BTBD9: variants seen among roughly 807,000 people sequenced by gnomAD.
BTBD9 encodes BTB/POZ domain-containing protein 9.
In BTBD9, 49 loss-of-function variants were observed where a neutral mutation model predicts 64.3. That is an observed-to-expected ratio of 0.76 (90% CI 0.61 to 0.97). The LOEUF is 0.97. Ranked by LOEUF, BTBD9 falls within the 50% of genes least tolerant of loss-of-function variation. The pLI, the probability that BTBD9 is intolerant of heterozygous loss-of-function variation, is 0.00. For missense variants in BTBD9, 598 were observed against 762.1 expected, an observed-to-expected ratio of 0.78 and a Z score of 2.53; for synonymous variants, 260 against 274.7, an observed-to-expected ratio of 0.95 and a Z score of 0.53.
chr6:38,612,970 G>A (rs775459820), intron 1 of BTBD9: 3 of 152,194 alleles, frequency 2.0e-5, no homozygotes, highest in Non-Finnish European at 4.4e-5. Context: ...TGGCCACAGT[G>A]ATGGCCACTT....
chr6:38,298,855 CT>C (rs113386216), intron 7 of BTBD9, among the ~76,000 whole-genome samples: 30,613 of 145,722 alleles, frequency 0.21, 3,224 homozygotes, highest in Admixed American at 0.29. Context: ...GTATTTCATT[CT>C]TTTTTTTTTT....
chr6:38,620,874 A>T (rs1297864405), intron 1 of BTBD9, among the ~76,000 whole-genome samples: 4 of 152,302 alleles, frequency 2.6e-5, no homozygotes, highest in South Asian at 4.1e-4. Context: ...GCAAATAGTC[A>T]TCTAGTAGAA....
chr6:38,597,024 G>A (rs1020096848), intron 2 of BTBD9, among the ~76,000 whole-genome samples: 2 of 152,078 alleles, frequency 1.3e-5, no homozygotes, highest in African/African-American at 4.8e-5. Flanking sequence ...CTAAGCTCCC[G>A]GTTTCATCTA....
At chr6:38,441,980 C>T (rs561173276) in intron 6 of BTBD9, among the ~76,000 whole-genome samples, 1 of 152,132 alleles carries the variant, frequency 6.6e-6, no homozygotes, top group African/African-American at 2.4e-5. Flanking sequence ...ATGCATGAAG[C>T]CTTCCTCCCA....
At chr6:38,291,895 C>T (rs569540711) in intron 7 of BTBD9, among the ~76,000 whole-genome samples, 2 of 151,756 alleles carry the variant, frequency 1.3e-5, no homozygotes, top group South Asian at 2.1e-4. Flanking sequence ...TTCAGTTTGC[C>T]AGTATTTTAT....
At chr6:38,615,902 T>A (rs1777770524) in intron 1 of BTBD9, among the ~76,000 whole-genome samples, 1 of 152,188 alleles carries the variant, frequency 6.6e-6, no homozygotes, top group Non-Finnish European at 1.5e-5. Context: ...ATGTTGGCTG[T>A]GGTAGGCAGA....
chr6:38,503,488 G>A (rs1772309977), intron 6 of BTBD9, among the ~76,000 whole-genome samples: 1 of 152,016 alleles, frequency 6.6e-6, no homozygotes, highest in South Asian at 2.1e-4. Context: ...GCCCTCTCAA[G>A]TTACTATTTT....
At chr6:38,508,051 T>A (rs1772615582) in intron 6 of BTBD9, among the ~76,000 whole-genome samples, 1 of 152,076 alleles carries the variant, frequency 6.6e-6, no homozygotes, top group South Asian at 2.1e-4. Context: ...GCCAGGATTG[T>A]CTCGATCTCC....
intron 6 of BTBD9, among the ~76,000 whole-genome samples, chr6:38,358,052 G>GGGGT (rs1371283618): frequency 2.0e-5 from 3 of 152,026 alleles, no homozygotes; most frequent in African/African-American, 7.2e-5. Flanking sequence ...AAAGAAAGAG[G>GGGGT]GGGTGTGTTA....
intron 8 of BTBD9, among the ~76,000 whole-genome samples, chr6:38,274,289 T>C (rs1212269546): frequency 1.3e-5 from 2 of 152,220 alleles, no homozygotes; most frequent in East Asian, 1.9e-4. Flanking sequence ...GCTGAGACAA[T>C]GGGATTTTCT....
chr6:38,305,284 A>T (rs1166790964), intron 7 of BTBD9, among the ~76,000 whole-genome samples: 2 of 152,184 alleles, frequency 1.3e-5, no homozygotes, highest in Non-Finnish European at 2.9e-5. Context: ...ATGGTAGAAG[A>T]GTTGCTATCT....
At chr6:38,351,937 CA>C (rs1764533149) in intron 6 of BTBD9, among the ~76,000 whole-genome samples, 1 of 151,982 alleles carries the variant, frequency 6.6e-6, no homozygotes. Context: ...ATTAATATCA[CA>C]AAAATTATAA....
chr6:38,436,182 G>C (rs1188463835), intron 6 of BTBD9, among the ~76,000 whole-genome samples: 3 of 151,930 alleles, frequency 2.0e-5, no homozygotes, highest in East Asian at 1.9e-4. Context: ...AAGAGGTAAA[G>C]ATTCCTGCCC....
At chr6:38,530,286 G>A (rs1469206552) in intron 6 of BTBD9, among the ~76,000 whole-genome samples, 1 of 152,122 alleles carries the variant, frequency 6.6e-6, no homozygotes, top group African/African-American at 2.4e-5. Flanking sequence ...CCTTATCAGT[G>A]GTTCTGCTTT....
At position 38,243,645 on chromosome 6, in the gene BTBD9, A is replaced by C. The variant is rs140739146; in HGVS notation, c.1562+12764T>G. On this transcript the variant is annotated intron_variant, in intron 9 of 10. Transcript: ENST00000481247. Reference sequence around the variant, plus strand: ...AAGAAGAAAGACTCAAAGGGGTAAGAGATGCCCAGGGGAAGGGAGCTACAA... The same window carrying C: ...AAGAAGAAAGACTCAAAGGGGTAAGCGATGCCCAGGGGAAGGGAGCTACAA... 2.6e-5 allele frequency among the ~76,000 whole-genome samples: 4 copies of C among 152,326 alleles called. No homozygotes were observed. In the East Asian group the frequency reaches 7.7e-4, roughly 29 times the overall value.
intron 6 of BTBD9, among the ~76,000 whole-genome samples, chr6:38,489,224 A>G (rs1771590467): frequency 6.6e-6 from 1 of 152,138 alleles, no homozygotes; most frequent in Non-Finnish European, 1.5e-5. Context: ...ATGCAGATAC[A>G]CATATGCCAT....
At chr6:38,232,831 G>A (rs561133482) in intron 9 of BTBD9, among the ~76,000 whole-genome samples, 5 of 152,154 alleles carry the variant, frequency 3.3e-5, no homozygotes, top group Admixed American at 6.5e-5. Flanking sequence ...TCTGGATCAC[G>A]GATTAGTAAC....
At chr6:38,545,374 T>C (rs1451834888) in intron 6 of BTBD9, among the ~76,000 whole-genome samples, 1 of 152,214 alleles carries the variant, frequency 6.6e-6, no homozygotes, top group Non-Finnish European at 1.5e-5. Flanking sequence ...TGGACAGTTT[T>C]AAGGAGGCTT....
chr6:38,188,534 T>G (rs2127481792), intron 10 of BTBD9, among the ~76,000 whole-genome samples: 1 of 152,326 alleles, frequency 6.6e-6, no homozygotes, highest in Admixed American at 6.5e-5. Context: ...GACCTTTCCA[T>G]GCCATAGACC....
Sources: allele counts gnomAD v4.1 joint callset (sites outside exome capture counted in the v4.1 genomes callset), GRCh38; gene constraint gnomAD v4.1.1; transcripts MANE v1.5; gene names NCBI Gene and HGNC (gene_info 2026-07-23, HGNC 2026-07-21).